Variants in FAM169A observed in about 807,000 individuals in gnomAD.
The protein encoded by FAM169A is family with sequence similarity 169 member A, also known as soluble lamin-associated protein of 75 kDa.
In FAM169A, 24 loss-of-function variants were observed where a neutral mutation model predicts 75.7. The observed-to-expected ratio is 0.32, with a 90% CI of 0.23 to 0.45. The LOEUF is 0.45. FAM169A is among the 20% of genes least tolerant of loss of function. The pLI is 1.00. For synonymous variants in FAM169A, 271 were observed against 271.0 expected, an observed-to-expected ratio of 1.00 and a Z score of 0.00; for missense variants, 673 against 784.0, an observed-to-expected ratio of 0.86 and a Z score of 1.69.
chr5:74,861,153 A>G (rs1416156836), intron 1 of FAM169A, among the ~76,000 whole-genome samples: 1 of 152,196 alleles, frequency 6.6e-6, no homozygotes, highest in Non-Finnish European at 1.5e-5. Flanking sequence ...AAAACAGTCT[A>G]ATAAATGGAT....
At chr5:74,841,397 A>G (rs746311250) in intron 2 of FAM169A, 148 bp downstream of exon 2, 55 of 554,098 alleles carry the variant, frequency 9.9e-5, no homozygotes, top group Non-Finnish European at 1.5e-4. Flanking sequence ...CTGATCAACC[A>G]ATATTTATCC....
At chr5:74,848,180 A>G (rs764902437) in intron 1 of FAM169A, among the ~76,000 whole-genome samples, 1 of 152,204 alleles carries the variant, frequency 6.6e-6, no homozygotes. Context: ...TCGAATTTAA[A>G]GGAAGATGAA....
chr5:74,830,448 C>T (rs1748256622), intron 5 of FAM169A, among the ~76,000 whole-genome samples: 1 of 152,110 alleles, frequency 6.6e-6, no homozygotes, highest in African/African-American at 2.4e-5. Flanking sequence ...GTGCTCTAAT[C>T]CCACTAAGCA....
At chr5:74,795,763 C>T (rs962919280) in intron 11 of FAM169A, among the ~76,000 whole-genome samples, 1 of 152,106 alleles carries the variant, frequency 6.6e-6, no homozygotes, top group Non-Finnish European at 1.5e-5. Flanking sequence ...TTTAAATGCA[C>T]CAAAAGATCT....
At chr5:74,829,800 C>A (rs184408867) in intron 5 of FAM169A, among the ~76,000 whole-genome samples, 159 of 152,156 alleles carry the variant, frequency 1.0e-3, no homozygotes, top group Middle Eastern at 3.4e-3. Context: ...ATGGTGAAAC[C>A]CCATCTCTAT....
chr5:74,807,936 G>A (rs371019020), intron 6 of FAM169A, among the ~76,000 whole-genome samples: 5 of 152,188 alleles, frequency 3.3e-5, no homozygotes, highest in African/African-American at 9.7e-5. Flanking sequence ...GATCAACATG[G>A]TGAAACCCCA....
intron 1 of FAM169A, among the ~76,000 whole-genome samples, chr5:74,861,327 C>T (rs1185736819): frequency 6.6e-6 from 1 of 152,156 alleles, no homozygotes. Context: ...CAAATATATA[C>T]ACTGGTAGCT....
chr5:74,781,939 C>T lies in FAM169A; in HGVS notation c.1534G>A (p.Glu512Lys). ...GTSDEKGHME[E>K]KLSLLPRKKA... is the part of the protein sequence containing the mutation. ...TTTCTTGGAAGTAGGGACAATTTCT[C>T]TTCCATGTGCCCCTTTTCATCAGAT... Residue 512 changes from glutamate (E) to lysine (K), a missense_variant, in exon 13 of 13, where the codon GAG (glutamate) becomes AAG (lysine). By Grantham distance (56) the Glu-to-Lys change is moderately conservative. Around this residue, in one of 3 missense-constraint regions of FAM169A, gnomAD observed 510 missense variants for 550.9 expected, o/e 0.93. Coordinates refer to ENST00000687041, the MANE Select transcript of FAM169A (RefSeq NM_001376049.1). 1 of 1,614,064 alleles carries T rather than the reference C, an allele frequency of 6.2e-7. No homozygotes were observed. Among genetic ancestry groups the T allele is most frequent in the Non-Finnish European group, 8.5e-7 (1 of 1,179,960 alleles).
chr5:74,795,294 T>C (rs1328851358), intron 11 of FAM169A, among the ~76,000 whole-genome samples: 1 of 152,080 alleles, frequency 6.6e-6, no homozygotes, highest in African/African-American at 2.4e-5. Context: ...TAATATAATT[T>C]CACTTATTCA....
chr5:74,835,482 G>C (rs1221682625), intron 4 of FAM169A, among the ~76,000 whole-genome samples: 1 of 151,468 alleles, frequency 6.6e-6, no homozygotes, highest in Non-Finnish European at 1.5e-5. Flanking sequence ...CACACCTGTA[G>C]TCCCAGCTAT....
chr5:74,804,847 T>C (rs1258937112), intron 7 of FAM169A, among the ~76,000 whole-genome samples: 1 of 152,230 alleles, frequency 6.6e-6, no homozygotes, highest in Admixed American at 6.5e-5. Context: ...TAAGGGGTAC[T>C]TTGGACCCCC....
At chr5:74,794,814 G>A (rs1185335120) in intron 11 of FAM169A, among the ~76,000 whole-genome samples, 6 of 151,262 alleles carry the variant, frequency 4.0e-5, no homozygotes, top group African/African-American at 9.7e-5. Context: ...AAAATTAGCC[G>A]GGCGTGTTGG....
intron 11 of FAM169A, among the ~76,000 whole-genome samples, chr5:74,789,672 G>T (rs954742228): frequency 1.3e-5 from 2 of 152,192 alleles, no homozygotes; most frequent in African/African-American, 4.8e-5. Context: ...CCTTTGGCAG[G>T]CCCCCATAGG....
intron 1 of FAM169A, among the ~76,000 whole-genome samples, chr5:74,864,845 T>C (rs1750230561): frequency 6.6e-6 from 1 of 152,228 alleles, no homozygotes; most frequent in Non-Finnish European, 1.5e-5. Context: ...CACCATCTCA[T>C]TCCTTGCCTT....
chr5:74,817,524 T>C (rs930720297), intron 5 of FAM169A, among the ~76,000 whole-genome samples: 1 of 151,992 alleles, frequency 6.6e-6, no homozygotes, highest in Non-Finnish European at 1.5e-5. Context: ...TAAAAGAAAT[T>C]AGAGAACACC....
At chr5:74,837,386 T>G (rs1415949625) in intron 4 of FAM169A, among the ~76,000 whole-genome samples, 2 of 152,102 alleles carry the variant, frequency 1.3e-5, no homozygotes, top group Non-Finnish European at 2.9e-5. Flanking sequence ...ACACACATTC[T>G]CCGAGCCTTC....
chr5:74,833,689 C>T (rs1267524327), intron 5 of FAM169A, among the ~76,000 whole-genome samples: 1 of 152,146 alleles, frequency 6.6e-6, no homozygotes, highest in African/African-American at 2.4e-5. Context: ...AGTGTATTCT[C>T]TGTGAAAGGT....
rs1484308418 is a variant in FAM169A, at chr5:74,780,280, C to A, written c.*1180G>T. On this transcript the variant is annotated 3_prime_UTR_variant, in exon 13 of 13. Transcript: ENST00000687041. ...CACAGCTCCCCCAAAGGCAGTTTAC[C>A]CCTGCCATATAGGTCTAACACTGGG... 6.6e-6 allele frequency: 1 copy of A among 152,140 alleles called. No individual in the cohort carries two copies. Among genetic ancestry groups the A allele is most frequent in the Non-Finnish European group, 1.5e-5 (1 of 68,064 alleles). 9.4% of individuals were successfully genotyped at this position (152,140 alleles called of 1,614,324 possible). A position where few individuals can be genotyped will look rare whatever the true frequency, so the allele number is the denominator to read the frequency against.
At chr5:74,794,108 C>A (rs1014770022) in intron 11 of FAM169A, among the ~76,000 whole-genome samples, 2 of 148,696 alleles carry the variant, frequency 1.3e-5, no homozygotes. Flanking sequence ...TTTGGGAGGC[C>A]GAGAGGAGCG....
Sources: gnomAD v4.1 joint callset for allele counts (sites outside exome capture counted in the v4.1 genomes callset) on GRCh38, gnomAD v4.1.1 for gene constraint, gnomAD v4.1.1 regional missense constraint, MANE v1.5 for transcripts, NCBI Gene and HGNC (gene_info 2026-07-23, HGNC 2026-07-21) for gene names.